The following IFT46 variants were observed in gnomAD, a reference collection of about 807,000 sequenced individuals.
IFT46 encodes the protein intraflagellar transport protein 46 homolog.
IFT46 carries 19 observed loss-of-function variants against 39.6 expected under a neutral mutation model. That is an observed-to-expected ratio of 0.48 (90% confidence interval 0.33 to 0.70). The LOEUF (loss-of-function observed/expected upper bound fraction) is 0.70. IFT46 is among the 30% of genes least tolerant of loss of function. The pLI is 0.01. For synonymous variants in IFT46, 117 were observed against 134.8 expected (o/e 0.87, Z 0.91); for missense variants, 334 against 364.8 (o/e 0.92, Z 0.69).
At chr11:118,567,066 C>A (rs1026982714), upstream of IFT46, among the ~76,000 whole-genome samples, 14 of 151,832 alleles carry the variant, frequency 9.2e-5, no homozygotes, top group Non-Finnish European at 1.6e-4. Flanking sequence ...GAACCGCCCC[C>A]CTCCACTCTA....
chr11:118,572,578 C>T lies in IFT46; in HGVS notation c.-133+18G>A, dbSNP rs782634350. On this transcript the variant is annotated intron_variant, in intron 1 of 5. Coordinates refer to the IFT46 transcript ENST00000528378. ...AAGATCCGAGCCAGGACCCGAACTCCTGGGGTCCGAGCCTCACCGTCTCTC... is the reference window on the plus strand; with the variant it reads ...AAGATCCGAGCCAGGACCCGAACTCTTGGGGTCCGAGCCTCACCGTCTCTC... 8.1e-6 allele frequency: 13 copies of T among 1,602,274 alleles called. No homozygotes were observed. The South Asian group carries it at 9.0e-5, about 11-fold the overall frequency.
intron 4 of IFT46, 92 bp from the exon 5 acceptor site, chr11:118,555,414 A>G: frequency 1.1e-6 from 1 of 917,196 alleles, no homozygotes; most frequent in Non-Finnish European, 1.8e-6. Context: ...CTATAGGGAC[A>G]TGATCCTGAA....
At chr11:118,573,645 G>C (rs868948041), upstream of IFT46, 18 of 702,184 alleles carry the variant, frequency 2.6e-5, no homozygotes, top group Middle Eastern at 2.1e-3. Context: ...ACATCGTCCA[G>C]TGTACCTGAG....
At chr11:118,552,770 G>GC (rs1381327671) in intron 7 of IFT46, among the ~76,000 whole-genome samples, 8 of 151,562 alleles carry the variant, frequency 5.3e-5, no homozygotes, top group Non-Finnish European at 8.8e-5. Context: ...TCCAGCCTAG[G>GC]CAAGAGCGAG....
At chr11:118,576,042 A>T (rs1484116790), upstream of IFT46, among the ~76,000 whole-genome samples, 1 of 151,608 alleles carries the variant, frequency 6.6e-6, no homozygotes, top group Non-Finnish European at 1.5e-5. Flanking sequence ...GACACAGAGC[A>T]CTTTGGATTT....
At chr11:118,568,163 A>C (rs1938268224), upstream of IFT46, among the ~76,000 whole-genome samples, 1 of 152,246 alleles carries the variant, frequency 6.6e-6, no homozygotes, top group South Asian at 2.1e-4. Flanking sequence ...AAGGTGCTAC[A>C]ATAAGGCAAT....
At chr11:118,551,028 CAAA>C (rs202115759) in intron 9 of IFT46, among the ~76,000 whole-genome samples, 19,435 of 88,570 alleles carry the variant, frequency 0.22, 1,633 homozygotes, top group East Asian at 0.5. Flanking sequence ...GAGACTGCCT[CAAA>C]AAAAAAAAAA....
intron 9 of IFT46, chr11:118,546,252 C>T (rs781964499): frequency 1.0e-5 from 7 of 697,838 alleles, no homozygotes; most frequent in Non-Finnish European, 1.9e-5. Flanking sequence ...AATACCAGCA[C>T]TGTGGGAGGT....
chr11:118,550,272 G>T (rs1222677234), intron 9 of IFT46, among the ~76,000 whole-genome samples: 4 of 152,034 alleles, frequency 2.6e-5, no homozygotes, highest in Non-Finnish European at 5.9e-5. Context: ...TGACTTTTAA[G>T]TTTCTTATTA....
rs1444141342 is a variant in IFT46 at position 118,544,958 on chromosome 11, G to A, written c.873C>T (p.Ser291=). 1.2e-6 allele frequency: 2 copies of A among 1,613,704 alleles called. No homozygotes were observed. Among genetic ancestry groups the A allele is most frequent in the Non-Finnish European group, 1.7e-6 (2 of 1,179,852 alleles). ...GKKAFTPSSN[S]TSQAGDMETL... ...TCTCCATGTCTCCAGCTTGGGAGGT[G>A]GAATTGGATGAAGGAGTGAATGCTT... The change falls in exon 12 of 12, where the codon TCC becomes TCT. Residue 291 remains serine, a synonymous_variant. Transcript: ENST00000264021.
upstream of IFT46, chr11:118,573,498 C>A: frequency 1.9e-6 from 1 of 514,614 alleles, no homozygotes; most frequent in Non-Finnish European, 3.5e-6. Context: ...TGTGGATATT[C>A]ATGAAGTAGT....
chr11:118,551,825 C>T lies in IFT46; in HGVS notation c.633G>A (p.Met211Ile). The T allele has an allele frequency of 6.2e-7, 1 of 1,614,116 alleles. No individual in the cohort carries two copies. The part of the protein sequence containing the change: ...TRPMPDIDTL[M>I]QEWSPEFEEL... Reference sequence around the variant, plus strand: ...CTTCAAACTCCGGGGACCATTCCTGCATCAGCGTGTCAATGTCGGGCATGG... The same window carrying T: ...CTTCAAACTCCGGGGACCATTCCTGTATCAGCGTGTCAATGTCGGGCATGG... Residue 211 changes from methionine (M) to isoleucine (I), a missense_variant, in exon 9 of 12, where the codon ATG becomes ATA. Transcript: ENST00000264021.
intron 9 of IFT46, chr11:118,546,685 G>C (rs1407775137): frequency 1.3e-5 from 2 of 153,994 alleles, no homozygotes; most frequent in African/African-American, 2.4e-5. Flanking sequence ...TATGGAATTG[G>C]TCATATGTTT....
upstream of IFT46, chr11:118,566,016 G>C (rs1301553008): frequency 2.6e-5 from 4 of 152,202 alleles, no homozygotes; most frequent in African/African-American, 9.7e-5. Flanking sequence ...CTCCACGCAG[G>C]AAGAAGATCA....
intron 3 of IFT46, chr11:118,557,492 T>C: frequency 2.0e-6 from 1 of 498,832 alleles, no homozygotes; most frequent in Non-Finnish European, 3.5e-6. Context: ...TAATACTTAA[T>C]TTGCAAGACT....
chr11:118,557,344 A>C (rs1415783353), intron 3 of IFT46: 29 of 406,016 alleles, frequency 7.1e-5, no homozygotes, highest in Admixed American at 1.7e-4. Flanking sequence ...CACTTTAGAC[A>C]GCTTCGGCCC....
chr11:118,557,633 C>T, intron 3 of IFT46: 1 of 1,331,510 alleles, frequency 7.5e-7, no homozygotes, highest in Non-Finnish European at 1.1e-6. Flanking sequence ...CATGGAGTAT[C>T]TGACCTATCT....
rs1425710299 is a variant in IFT46 at position 118,560,968 on chromosome 11, T to C, written c.-35-1104A>G. On this transcript the variant is annotated intron_variant, in intron 2 of 11. Coordinates refer to ENST00000264021, the MANE Select transcript of IFT46 (RefSeq NM_001168618.2). Reference sequence around the variant, plus strand: ...GTGGTGTGAAGGTTGGCCTGACAAATTATGCTGCAACTTATTGTACTGGCC... The same window carrying C: ...GTGGTGTGAAGGTTGGCCTGACAAACTATGCTGCAACTTATTGTACTGGCC... 1.2e-5 allele frequency: 16 copies of C among 1,354,396 alleles called. No homozygotes were observed. In the Admixed American group the frequency reaches 2.5e-4, roughly 21 times the overall value. 83.9% of individuals were successfully genotyped at this position (1,354,396 alleles called of 1,614,324 possible). A position where few individuals can be genotyped will look rare whatever the true frequency, so the allele number is the denominator to read the frequency against.
At chr11:118,554,143 C>T (rs1392917700) in intron 7 of IFT46, among the ~76,000 whole-genome samples, 4 of 151,428 alleles carry the variant, frequency 2.6e-5, no homozygotes, top group African/African-American at 7.3e-5. Context: ...CTCCGCCTCC[C>T]GGGTTCACAC....
Sources: gnomAD v4.1 joint callset for allele counts (sites outside exome capture counted in the v4.1 genomes callset) on GRCh38, gnomAD v4.1.1 for gene constraint, MANE v1.5 for transcripts, NCBI Gene and HGNC (gene_info 2026-07-23, HGNC 2026-07-21) for gene names.